The following SVIL variants were observed in gnomAD, a reference collection of about 807,000 sequenced individuals.
SVIL encodes the protein supervillin.
Under a neutral mutation model 240.4 loss-of-function variants are expected in SVIL, and 101 were observed. The ratio of observed to expected loss-of-function variants is 0.42; its 90% confidence interval spans 0.36 to 0.50. SVIL has a LOEUF of 0.50. SVIL is among the 20% of genes least tolerant of loss of function. The probability of loss-of-function intolerance (pLI) is 0.01; values close to 1 mark genes in which losing one functional copy is unlikely to be tolerated. For synonymous variants in SVIL, 999 were observed against 1,100.0 expected (o/e 0.91, Z 1.82); for missense variants, 2,512 against 2,818.7 (o/e 0.89, Z 2.46).
intron 1 of SVIL, among the ~76,000 whole-genome samples, chr10:29,730,226 T>C (rs1564370001): frequency 6.6e-6 from 1 of 152,116 alleles, no homozygotes; most frequent in Non-Finnish European, 1.5e-5. Context: ...AGAACTGTAA[T>C]GTGCAAAGAA....
chr10:29,714,297 C>T (rs988665377), intron 1 of SVIL, among the ~76,000 whole-genome samples: 2 of 152,056 alleles, frequency 1.3e-5, no homozygotes, highest in East Asian at 1.9e-4. Flanking sequence ...AATTACATAA[C>T]GACATAGATG....
Position 29,634,808 on chromosome 10 carries a change from G to C in SVIL, c.-589C>G, listed in dbSNP as rs765964799. ...CCAAAAGTTCCTCTCCAAAAAGAACGCCAAAATATTAATAAAAAGAGTCTT... is the reference window on the plus strand; with the variant it reads ...CCAAAAGTTCCTCTCCAAAAAGAACCCCAAAATATTAATAAAAAGAGTCTT... On this transcript the variant is annotated 5_prime_UTR_variant, in exon 1 of 38. Coordinates refer to ENST00000355867, the MANE Select transcript of SVIL (RefSeq NM_021738.3). 7.2e-5 allele frequency: 11 copies of C among 152,058 alleles called. No individual in the cohort carries two copies. Among genetic ancestry groups the C allele is most frequent in the Non-Finnish European group, 1.0e-4 (7 of 68,012 alleles). 9.4% of individuals were successfully genotyped at this position (152,058 alleles called of 1,614,324 possible). A position where few individuals can be genotyped will look rare whatever the true frequency, so the allele number is the denominator to read the frequency against.
chr10:29,535,875 A>C, intron 7 of SVIL, 114 bp downstream of exon 7: 2 of 1,012,290 alleles, frequency 2.0e-6, no homozygotes, highest in Non-Finnish European at 3.0e-6. Flanking sequence ...CGTGATTTTC[A>C]AGTGCACTGG....
intron 1 of SVIL, among the ~76,000 whole-genome samples, chr10:29,722,261 A>G (rs1037200334): frequency 1.3e-5 from 2 of 151,668 alleles, no homozygotes; most frequent in African/African-American, 4.8e-5. Flanking sequence ...AAGAAAGAAA[A>G]AAAACTGCAT....
intron 18 of SVIL, 25 bp downstream of exon 18, chr10:29,499,091 C>T (rs1484010932): frequency 3.1e-6 from 5 of 1,611,184 alleles, no homozygotes; most frequent in Non-Finnish European, 4.2e-6. Flanking sequence ...GCACACACCA[C>T]ACACATGGAC....
At chr10:29,487,564 G>T in intron 23 of SVIL, 1 of 371,168 alleles carries the variant, frequency 2.7e-6, no homozygotes, top group Non-Finnish European at 4.9e-6. Flanking sequence ...GTTAATGAAG[G>T]CTCCCCCTTC....
chr10:29,483,516 G>A (rs985987813), intron 27 of SVIL: 2 of 152,218 alleles, frequency 1.3e-5, no homozygotes, highest in Admixed American at 6.5e-5. Context: ...GGCCCCTCAG[G>A]TGATTCTGTC....
chr10:29,574,415 T>C (rs1482977491), intron 1 of SVIL, among the ~76,000 whole-genome samples: 2 of 152,246 alleles, frequency 1.3e-5, no homozygotes, highest in East Asian at 3.9e-4. Flanking sequence ...CATGTCATGG[T>C]ACACGGGCGG....
chr10:29,551,305 A>G (rs766266982), intron 5 of SVIL, 42 bp from the exon 6 acceptor site: 3 of 1,520,814 alleles, frequency 2.0e-6, no homozygotes, highest in Admixed American at 4.1e-5. Context: ...GATTTCAAGT[A>G]AAGACATGTA....
chr10:29,703,260 T>C (rs1962653087), intron 1 of SVIL, among the ~76,000 whole-genome samples: 1 of 152,236 alleles, frequency 6.6e-6, no homozygotes, highest in Non-Finnish European at 1.5e-5. Context: ...CTCTTAACAC[T>C]GGATTTGAGG....
chr10:29,621,885 C>T (rs976529633), intron 1 of SVIL, among the ~76,000 whole-genome samples: 1 of 151,938 alleles, frequency 6.6e-6, no homozygotes, highest in Non-Finnish European at 1.5e-5. Context: ...TGCATACATA[C>T]AGAAACACAC....
rs185341874 is a variant in SVIL at position 29,703,677 on chromosome 10, C to T, written c.-399-17026G>A. On this transcript the variant is annotated intron_variant, in intron 1 of 35. Coordinates refer to the SVIL transcript ENST00000375400. Reference sequence around the variant, plus strand: ...ATTCTCAGGATTGCCTTCAGGTAGCCGTGCCCTGCAATGTGGGGTGTTTCT... The same window carrying T: ...ATTCTCAGGATTGCCTTCAGGTAGCTGTGCCCTGCAATGTGGGGTGTTTCT... Among the ~76,000 whole-genome samples the T allele has an allele frequency of 5.4e-4, 83 of 152,316 alleles. 1 individual carries two copies. Among genetic ancestry groups the T allele is most frequent in the African/African-American group, 1.9e-3 (78 of 41,578 alleles).
chr10:29,490,003 A>G (rs1416232508), intron 22 of SVIL, among the ~76,000 whole-genome samples: 1 of 152,216 alleles, frequency 6.6e-6, no homozygotes, highest in Non-Finnish European at 1.5e-5. Flanking sequence ...AAGATTATGC[A>G]TGCTATCACC....
At chr10:29,690,544 T>C (rs1184076344) in intron 1 of SVIL, among the ~76,000 whole-genome samples, 1 of 152,132 alleles carries the variant, frequency 6.6e-6, no homozygotes, top group Non-Finnish European at 1.5e-5. Context: ...CAGATCAGAA[T>C]ATGCAATACT....
chr10:29,675,768 C>T (rs1489451781), intron 2 of SVIL, among the ~76,000 whole-genome samples: 1 of 152,206 alleles, frequency 6.6e-6, no homozygotes, highest in Non-Finnish European at 1.5e-5. Context: ...AAGACTTGTT[C>T]ATGATAGTAA....
At chr10:29,618,875 C>CG (rs1957524641) in intron 1 of SVIL, among the ~76,000 whole-genome samples, 1 of 152,116 alleles carries the variant, frequency 6.6e-6, no homozygotes, top group Non-Finnish European at 1.5e-5. Flanking sequence ...CATAGGCCAC[C>CG]GTAGACAGCT....
At chr10:29,612,745 G>T (rs1437953709) in intron 1 of SVIL, among the ~76,000 whole-genome samples, 1 of 152,152 alleles carries the variant, frequency 6.6e-6, no homozygotes, top group Non-Finnish European at 1.5e-5. Context: ...TTTAAAAAAC[G>T]TAGATCCTTA....
At chr10:29,551,326 G>A (rs1953312285) in intron 5 of SVIL, 63 bp from the exon 6 acceptor site, 2 of 1,454,644 alleles carry the variant, frequency 1.4e-6, no homozygotes, top group East Asian at 2.3e-5. Flanking sequence ...TTTACACACA[G>A]AATGACACTC....
intron 1 of SVIL, among the ~76,000 whole-genome samples, chr10:29,577,984 C>T (rs1037257186): frequency 2.0e-5 from 3 of 151,900 alleles, no homozygotes; most frequent in South Asian, 2.1e-4. Context: ...GACCCAGTTG[C>T]GTATACATTT....
Sources: gnomAD v4.1 joint callset for allele counts (sites outside exome capture counted in the v4.1 genomes callset) on GRCh38, gnomAD v4.1.1 for gene constraint, MANE v1.5 for transcripts, NCBI Gene and HGNC (gene_info 2026-07-23, HGNC 2026-07-21) for gene names.